The following ZDHHC21 variants were observed in gnomAD, a reference collection of about 807,000 sequenced individuals.
The protein encoded by ZDHHC21 is zDHHC palmitoyltransferase 21.
In ZDHHC21, 15 loss-of-function variants were observed where a neutral mutation model predicts 34.6. The ratio of observed to expected loss-of-function variants is 0.43; its 90% CI spans 0.29 to 0.67. The LOEUF is 0.67. Among genes scored for constraint, ZDHHC21 ranks in the 30% least tolerant of loss-of-function variants. The probability of loss-of-function intolerance (pLI) is 0.14; values close to 1 mark genes in which losing one functional copy is unlikely to be tolerated. For missense variants in ZDHHC21, 344 were observed against 327.7 expected, an observed-to-expected ratio of 1.05 and a Z score of -0.38; for synonymous variants, 142 against 101.8, an observed-to-expected ratio of 1.40 and a Z score of -2.38.
the ZDHHC21 span, among the ~76,000 whole-genome samples, chr9:14,600,559 T>C: frequency 2.6e-5 from 4 of 152,174 alleles, no homozygotes; most frequent in East Asian, 7.7e-4. Flanking sequence ...ATCAATATGG[T>C]GAAAATGGCC....
chr9:14,632,064 A>ACACACACACAC (rs1554757642), intron 8 of ZDHHC21, among the ~76,000 whole-genome samples: 3 of 135,178 alleles, frequency 2.2e-5, no homozygotes, highest in African/African-American at 8.5e-5. Context: ...AACACACACA[A>ACACACACACAC]ACACACACAC....
In ZDHHC21 at chr9:14,687,971, CT is replaced by C. The variant is rs1217087816; in HGVS notation, c.-176+2365del. 6.6e-5 allele frequency among the ~76,000 whole-genome samples: 10 copies of C among 150,774 alleles called. 1 individual carries two copies. The highest frequency in any genetic ancestry group is 2.5e-4 in the African/African-American group (10 of 40,104). On this transcript the variant is annotated intron_variant, in intron 2 of 9. Coordinates refer to ENST00000380916, the MANE Select transcript of ZDHHC21 (RefSeq NM_178566.6). ...TACAGCTGTAAACGTATTTATAAAA[CT>C]TTTTGACTTCTGATATCATTCTACT...
intron 1 of ZDHHC21, among the ~76,000 whole-genome samples, chr9:14,691,710 G>A (rs4144144): frequency 0.99 from 151,290 of 152,372 alleles, 75,114 homozygotes; most frequent in Middle Eastern, 1. Context: ...AGAAATCTCA[G>A]TAGTGTCAAA....
At chr9:14,670,514 T>C (rs1283780134) in intron 5 of ZDHHC21, among the ~76,000 whole-genome samples, 3 of 152,126 alleles carry the variant, frequency 2.0e-5, no homozygotes, top group Admixed American at 6.5e-5. Flanking sequence ...TGCTTTTGTG[T>C]TTCAGTGGCA....
chr9:14,626,564 T>C (rs1390699574), intron 8 of ZDHHC21, among the ~76,000 whole-genome samples: 2 of 151,952 alleles, frequency 1.3e-5, no homozygotes, highest in African/African-American at 2.4e-5. Flanking sequence ...TTATGCAATA[T>C]AAATATGCTT....
chr9:14,606,734 A>T (rs930290492), downstream of ZDHHC21, among the ~76,000 whole-genome samples: 4 of 152,200 alleles, frequency 2.6e-5, no homozygotes, highest in African/African-American at 9.6e-5. Flanking sequence ...TTAGAAACCT[A>T]TTAAATAGAT....
At chr9:14,608,804 GAGC>G (rs1206609158), downstream of ZDHHC21, among the ~76,000 whole-genome samples, 1 of 152,070 alleles carries the variant, frequency 6.6e-6, no homozygotes, top group Non-Finnish European at 1.5e-5. Context: ...GGTCAGCCTA[GAGC>G]AGCATTTGTA....
At position 14,613,425 on chromosome 9, in the gene ZDHHC21, T is replaced by C. The variant is rs1823661292; in HGVS notation, c.*5541A>G. On this transcript the variant is annotated 3_prime_UTR_variant, in exon 10 of 10. Transcript: ENST00000380916. ...ACCAGTAGGTTAAAATATCATCCAA[T>C]GTATACTGGCAAGAATATATAGCTT... The C allele has an allele frequency of 6.6e-6, 1 of 151,814 alleles. No individual in the cohort carries two copies. Among genetic ancestry groups the C allele is most frequent in the African/African-American group, 2.4e-5 (1 of 41,410 alleles). The allele number at this position is 151,814 out of a possible 1,614,324, so 9.4% of individuals were successfully genotyped here.
chr9:14,646,041 T>C (rs1830229397), intron 7 of ZDHHC21, among the ~76,000 whole-genome samples: 1 of 152,146 alleles, frequency 6.6e-6, no homozygotes, highest in African/African-American at 2.4e-5. Context: ...ACACCAGCAC[T>C]TCTCGCTATA....
intron 5 of ZDHHC21, among the ~76,000 whole-genome samples, chr9:14,664,894 G>T (rs1388606790): frequency 1.3e-5 from 2 of 151,426 alleles, no homozygotes; most frequent in Admixed American, 1.3e-4. Context: ...CACAAAGATG[G>T]GGAAAAAACA....
rs1021621294 is a variant in ZDHHC21 at position 14,612,257 on chromosome 9, C to T, written c.*6709G>A. On this transcript the variant is annotated 3_prime_UTR_variant, in exon 10 of 10. Coordinates refer to ENST00000380916, the MANE Select transcript of ZDHHC21 (RefSeq NM_178566.6). ...TTGACTGCAAAACCATATATTGTAT[C>T]TACATTCAAGGAGAGGTTGATTTTA... 1 of 151,886 alleles carries T rather than the reference C, an allele frequency of 6.6e-6. No individual in the cohort carries two copies. Among genetic ancestry groups the T allele is most frequent in the South Asian group, 2.1e-4 (1 of 4,822 alleles). The allele number at this position is 151,886 out of a possible 1,614,324, so 9.4% of individuals were successfully genotyped here. A position where few individuals can be genotyped will look rare whatever the true frequency, so the allele number is the denominator to read the frequency against.
chr9:14,689,654 G>A (rs1415076290), intron 2 of ZDHHC21, among the ~76,000 whole-genome samples: 1 of 152,108 alleles, frequency 6.6e-6, no homozygotes, highest in Non-Finnish European at 1.5e-5. Context: ...TATCCTAGTA[G>A]TATTACTACT....
At chr9:14,644,552 T>C (rs765028228) in intron 7 of ZDHHC21, among the ~76,000 whole-genome samples, 15 of 152,032 alleles carry the variant, frequency 9.9e-5, no homozygotes, top group Non-Finnish European at 1.9e-4. Context: ...TATCTGATTA[T>C]GAAAGTTCTC....
At chr9:14,649,149 T>C (rs1198491936) in intron 7 of ZDHHC21, among the ~76,000 whole-genome samples, 2 of 152,098 alleles carry the variant, frequency 1.3e-5, no homozygotes, top group Non-Finnish European at 2.9e-5. Context: ...AAATGTTTTC[T>C]GTGGGGGAAA....
At position 14,687,849 on chromosome 9, in the gene ZDHHC21, AT is replaced by A. The variant is rs1431901583; in HGVS notation, c.-176+2487del. ...ACAAGCTAAGTTTTCAAACATACCAATTTTTTTTCCACAGTGCCAAGAGAAA... is the reference window on the plus strand; with the variant it reads ...ACAAGCTAAGTTTTCAAACATACCAATTTTTTTCCACAGTGCCAAGAGAAA... On this transcript the variant is annotated intron_variant, in intron 2 of 9. Coordinates refer to ENST00000380916, the MANE Select transcript of ZDHHC21 (RefSeq NM_178566.6). Among the ~76,000 whole-genome samples the A allele has an allele frequency of 2.7e-5, 4 of 150,766 alleles. 1 individual carries two copies. The highest frequency in any genetic ancestry group is 3.8e-4 in the East Asian group (2 of 5,204).
Position 14,674,337 on chromosome 9 carries a change from C to T in ZDHHC21, c.4G>A (p.Gly2Ser). The change falls in exon 4 of 10, where the codon GGT becomes AGT. Residue 2 changes from glycine to serine, a missense_variant. Transcript: ENST00000380916. The stretch of plus-strand genomic sequence containing the variant: ...TCAACAACAAAGTGAATCCGGAGAC[C>T]CATTTTGCAATCTTATAACTGCCTG... M[G>S]LRIHFVVDPH... is the part of the protein sequence containing the mutation. 1.3e-6 allele frequency: 2 copies of T among 1,592,986 alleles called. No individual in the cohort carries two copies. Among genetic ancestry groups the T allele is most frequent in the Non-Finnish European group, 1.7e-6 (2 of 1,171,868 alleles).
the ZDHHC21 span, chr9:14,589,939 G>C: frequency 6.6e-6 from 1 of 152,152 alleles, no homozygotes; most frequent in Non-Finnish European, 1.5e-5. Flanking sequence ...GAAGAAGCAA[G>C]GATATGTGAC....
At chr9:14,689,744 G>C (rs1408949547) in intron 2 of ZDHHC21, among the ~76,000 whole-genome samples, 1 of 152,054 alleles carries the variant, frequency 6.6e-6, no homozygotes, top group East Asian at 1.9e-4. Flanking sequence ...TTTAGAGAAA[G>C]TAGATAACTG....
At chr9:14,680,360 G>A (rs1250720574) in intron 2 of ZDHHC21, among the ~76,000 whole-genome samples, 198 bp from the exon 3 acceptor site, 1 of 152,010 alleles carries the variant, frequency 6.6e-6, no homozygotes, top group Non-Finnish European at 1.5e-5. Flanking sequence ...TTATATCTGA[G>A]AGTCTTTTAA....
Sources: gnomAD v4.1 joint callset for allele counts (sites outside exome capture counted in the v4.1 genomes callset) on GRCh38, gnomAD v4.1.1 for gene constraint, MANE v1.5 for transcripts, NCBI Gene and HGNC (gene_info 2026-07-23, HGNC 2026-07-21) for gene names.